The following RARB variants were observed in gnomAD, a reference collection of about 807,000 sequenced individuals.
RARB encodes retinoic acid receptor beta.
Under a neutral mutation model 51.9 loss-of-function variants are expected in RARB, and 17 were observed. That is an observed-to-expected ratio of 0.33 (90% confidence interval 0.22 to 0.49). The LOEUF (loss-of-function observed/expected upper bound fraction) is 0.49. Ranked by LOEUF, RARB falls within the 20% of genes least tolerant of loss-of-function variation. The pLI is 0.99. For synonymous variants in RARB, 215 were observed against 195.4 expected (o/e 1.10, Z -0.84); for missense variants, 369 against 550.8 (o/e 0.67, Z 3.30).
chr3:24,874,835 AT>A (rs528607948), intron 2 of RARB, among the ~76,000 whole-genome samples: 11 of 151,238 alleles, frequency 7.3e-5, no homozygotes, highest in African/African-American at 2.7e-4. Flanking sequence ...GTATATTTTC[AT>A]TTTTTGCCTT....
chr3:24,975,979 C>A (rs1391138090), intron 2 of RARB, among the ~76,000 whole-genome samples: 1 of 152,160 alleles, frequency 6.6e-6, no homozygotes, highest in Non-Finnish European at 1.5e-5. Context: ...TCCATATTTT[C>A]TCATTGTTCA....
chr3:25,013,616 T>C (rs1046526514), intron 2 of RARB, among the ~76,000 whole-genome samples: 4 of 151,984 alleles, frequency 2.6e-5, no homozygotes, highest in Non-Finnish European at 5.9e-5. Context: ...TCAGTCATTA[T>C]AGGAAAACAA....
At chr3:25,152,519 A>C (rs1362663539) in intron 4 of RARB, among the ~76,000 whole-genome samples, 1 of 152,220 alleles carries the variant, frequency 6.6e-6, no homozygotes, top group African/African-American at 2.4e-5. Flanking sequence ...TTCATTTGAT[A>C]TAATTAAACA....
chr3:25,399,302 T>C (rs1707203041), intron 5 of RARB, among the ~76,000 whole-genome samples: 1 of 152,224 alleles, frequency 6.6e-6, no homozygotes, highest in Non-Finnish European at 1.5e-5. Flanking sequence ...AAAGTATCTT[T>C]ATTTTCTTCA....
chr3:25,431,710 C>T (rs992522432), intron 1 of RARB, among the ~76,000 whole-genome samples: 1 of 152,030 alleles, frequency 6.6e-6, no homozygotes, highest in Non-Finnish European at 1.5e-5. Context: ...TGTCTTTTCT[C>T]CCTACTCAAC....
intron 2 of RARB, among the ~76,000 whole-genome samples, chr3:24,925,409 G>A (rs1695297772): frequency 6.6e-6 from 1 of 152,032 alleles, no homozygotes; most frequent in Non-Finnish European, 1.5e-5. Flanking sequence ...TTGGGAGGCT[G>A]AATATGGAGG....
At chr3:25,184,904 GA>G (rs1005866110) in intron 5 of RARB, among the ~76,000 whole-genome samples, 23 of 145,568 alleles carry the variant, frequency 1.6e-4, no homozygotes, top group East Asian at 4.0e-4. Flanking sequence ...AAAAAAGAAA[GA>G]AAAAAAAAAG....
chr3:25,528,880 C>T (rs555821534), intron 3 of RARB, among the ~76,000 whole-genome samples: 34 of 151,886 alleles, frequency 2.2e-4, no homozygotes, highest in Admixed American at 4.6e-4. Context: ...TCTCTGGATC[C>T]GTTCTCATCT....
At chr3:24,911,405 C>T (rs556169375) in intron 2 of RARB, among the ~76,000 whole-genome samples, 1 of 152,164 alleles carries the variant, frequency 6.6e-6, no homozygotes, top group South Asian at 2.1e-4. Flanking sequence ...GGATGCTAAA[C>T]CTGGAATGAG....
chr3:25,148,722 C>T (rs1480408942), intron 4 of RARB, among the ~76,000 whole-genome samples: 1 of 152,130 alleles, frequency 6.6e-6, no homozygotes, highest in Non-Finnish European at 1.5e-5. Flanking sequence ...TATTGCCTCT[C>T]AGCATTACTG....
At chr3:25,587,284 C>T (rs764519331) in intron 5 of RARB, among the ~76,000 whole-genome samples, 19 of 152,166 alleles carry the variant, frequency 1.2e-4, no homozygotes, top group Non-Finnish European at 2.5e-4. Context: ...GGCAATAGCA[C>T]CTGGGGCTGT....
chr3:24,883,726 T>A (rs1246921546), intron 2 of RARB, among the ~76,000 whole-genome samples: 2 of 152,060 alleles, frequency 1.3e-5, no homozygotes, highest in Admixed American at 6.6e-5. Flanking sequence ...AAATAAGCAT[T>A]GATTTTCAAA....
chr3:25,135,065 T>C (rs537041117), intron 4 of RARB, among the ~76,000 whole-genome samples: 1 of 151,812 alleles, frequency 6.6e-6, no homozygotes, highest in East Asian at 1.9e-4. Flanking sequence ...TTTTTTTTTT[T>C]TGGTCTGAGT....
intron 2 of RARB, among the ~76,000 whole-genome samples, chr3:24,983,450 G>C (rs1443026631): frequency 6.6e-6 from 1 of 151,992 alleles, no homozygotes; most frequent in Non-Finnish European, 1.5e-5. Flanking sequence ...ATGTGCCATG[G>C]TGGTTTGCTG....
At chr3:24,874,561 T>C (rs1212324395) in intron 2 of RARB, among the ~76,000 whole-genome samples, 2 of 152,226 alleles carry the variant, frequency 1.3e-5, no homozygotes, top group South Asian at 2.1e-4. Flanking sequence ...TGATTCTCTG[T>C]ATTGCTAGTC....
chr3:25,453,243 CTTTTTTTT>C (rs758275411), intron 1 of RARB, among the ~76,000 whole-genome samples: 4 of 81,988 alleles, frequency 4.9e-5, no homozygotes, highest in African/African-American at 2.2e-4. Context: ...CAAGATTCTG[CTTTTTTTT>C]TTTTTTTTTT....
intron 2 of RARB, among the ~76,000 whole-genome samples, chr3:24,916,610 G>T (rs1307835958): frequency 6.6e-6 from 1 of 152,072 alleles, no homozygotes; most frequent in African/African-American, 2.4e-5. Flanking sequence ...TTCCCAGAAA[G>T]CATATTGATG....
At chr3:25,445,820 G>A (rs575136578) in intron 1 of RARB, among the ~76,000 whole-genome samples, 50 of 152,298 alleles carry the variant, frequency 3.3e-4, no homozygotes, top group Non-Finnish European at 6.8e-4. Flanking sequence ...CATTTTGGAC[G>A]TTGAAAGCTG....
chr3:24,878,218 T>C (rs1242285875), intron 2 of RARB, among the ~76,000 whole-genome samples: 1 of 152,260 alleles, frequency 6.6e-6, no homozygotes, highest in South Asian at 2.1e-4. Context: ...CCATTTTTTT[T>C]TTTTTTGCTT....
Sources: gnomAD v4.1 joint callset for allele counts (sites outside exome capture counted in the v4.1 genomes callset) on GRCh38, gnomAD v4.1.1 for gene constraint, MANE v1.5 for transcripts, NCBI Gene and HGNC (gene_info 2026-07-23, HGNC 2026-07-21) for gene names.